RYR2: variants seen among roughly 807,000 people sequenced by gnomAD.
RYR2 encodes ryanodine receptor 2.
In RYR2, 227 loss-of-function variants were observed where a neutral mutation model predicts 601.1. That is an observed-to-expected ratio of 0.38 (90% CI 0.34 to 0.42). RYR2 has a LOEUF of 0.42. RYR2 is among the 10% of genes least tolerant of loss of function. The pLI is 1.00. For synonymous variants in RYR2, 2,223 were observed against 2,175.1 expected (o/e 1.02, Z -0.61); for missense variants, 4,646 against 6,156.5 (o/e 0.75, Z 8.21).
intron 8 of RYR2, among the ~76,000 whole-genome samples, chr1:237,382,914 G>GTTTTT (rs10676878): frequency 1.4e-5 from 2 of 139,132 alleles, no homozygotes; most frequent in African/African-American, 5.2e-5. Flanking sequence ...ATTTGTTTTT[G>GTTTTT]TTTTTTTTTT....
At chr1:237,821,117 C>A (rs974059722) in intron 101 of RYR2, among the ~76,000 whole-genome samples, 1 of 152,196 alleles carries the variant, frequency 6.6e-6, no homozygotes, top group Non-Finnish European at 1.5e-5. Context: ...ACTTAAACGT[C>A]CCTGCCTGAC....
intron 8 of RYR2, among the ~76,000 whole-genome samples, chr1:237,383,798 A>C (rs999981365): frequency 2.0e-5 from 3 of 152,062 alleles, no homozygotes; most frequent in African/African-American, 7.2e-5. Context: ...GAAAATCACT[A>C]GTCCTGGGAT....
chr1:237,631,611 AGATTTTTTTTT>A, intron 42 of RYR2, 70 bp downstream of exon 42: 3 of 292,566 alleles, frequency 1.0e-5, no homozygotes, highest in Non-Finnish European at 1.1e-5. Flanking sequence ...TATAGAATGC[AGATTTTTTTTT>A]TTTTTTTTTT....
intron 101 of RYR2, among the ~76,000 whole-genome samples, chr1:237,826,035 G>A (rs896774324): frequency 5.3e-5 from 8 of 152,160 alleles, no homozygotes; most frequent in African/African-American, 1.9e-4. Flanking sequence ...GAGAGGATAT[G>A]GAGAAATAGG....
At chr1:237,102,426 T>C (rs1030518334) in intron 1 of RYR2, among the ~76,000 whole-genome samples, 1 of 152,130 alleles carries the variant, frequency 6.6e-6, no homozygotes, top group African/African-American at 2.4e-5. Context: ...TAAATACAGA[T>C]ACATCCATGA....
chr1:237,633,133 T>C (rs1018821941), intron 42 of RYR2, among the ~76,000 whole-genome samples: 3 of 152,260 alleles, frequency 2.0e-5, no homozygotes, highest in African/African-American at 7.2e-5. Flanking sequence ...CATCCTATTA[T>C]ATGTGCCACG....
At chr1:237,628,114 G>C (rs199569024) in intron 41 of RYR2, 34 bp downstream of exon 41, 1,519 of 1,601,434 alleles carry the variant, frequency 9.5e-4, no homozygotes, top group Non-Finnish European at 1.2e-3. Flanking sequence ...CCTTTGTCTC[G>C]TAAATGTTTT....
intron 1 of RYR2, among the ~76,000 whole-genome samples, chr1:237,248,695 T>C (rs1482924012): frequency 6.6e-6 from 1 of 152,140 alleles, no homozygotes; most frequent in African/African-American, 2.4e-5. Context: ...TGAGAGGTTT[T>C]TTAAAGATCT....
intron 1 of RYR2, among the ~76,000 whole-genome samples, chr1:237,186,895 T>C (rs1346479192): frequency 6.6e-6 from 1 of 152,222 alleles, no homozygotes; most frequent in Non-Finnish European, 1.5e-5. Flanking sequence ...CAGCCCGCAT[T>C]GAGCAGCCTC....
intron 2 of RYR2, among the ~76,000 whole-genome samples, chr1:237,286,696 C>A (rs1439286628): frequency 6.6e-6 from 1 of 151,030 alleles, no homozygotes; most frequent in Middle Eastern, 3.2e-3. Flanking sequence ...TATGTGAGTC[C>A]TTATGTATTG....
intron 23 of RYR2, 85 bp from the exon 24 acceptor site, chr1:237,511,603 C>A: frequency 1.9e-6 from 2 of 1,073,326 alleles, no homozygotes; most frequent in Non-Finnish European, 2.8e-6. Context: ...TGCCTTCTGC[C>A]TCCACTTTCT....
chr1:237,784,350 A>G lies in RYR2; in HGVS notation c.12638A>G (p.Glu4213Gly), dbSNP rs1178157004. ...CAGATCTCGGAGTCGGACTTGAACG[A>G]GAGGTCAGCGAATAAGGAAGAAAGC... is the stretch of plus-strand genomic sequence containing the variant. ...AAQISESDLN[E>G]RSANKEESEK... Residue 4213 changes from glutamate (E) to glycine (G), a missense_variant, in exon 90 of 105, where the codon GAG (glutamate) becomes GGG (glycine). Physicochemically the swap from Glu to Gly is moderately conservative, Grantham distance 98. Around this residue, in one of 17 missense-constraint regions of RYR2, gnomAD observed 364 missense variants for 442.9 expected, o/e 0.82. Coordinates refer to ENST00000366574, the MANE Select transcript of RYR2 (RefSeq NM_001035.3). This position sits in a 1 kb window ranked among gnomAD's most constrained non-coding sequence, Gnocchi z 7.1. 14 of 1,613,806 alleles carry G rather than the reference A, an allele frequency of 8.7e-6. No homozygotes were observed. Among genetic ancestry groups the G allele is most frequent in the African/African-American group, 2.7e-5 (2 of 74,904 alleles).
intron 1 of RYR2, among the ~76,000 whole-genome samples, chr1:237,080,154 T>C: frequency 4.4e-5 from 1 of 22,504 alleles, no homozygotes; most frequent in Non-Finnish European, 8.6e-5. Flanking sequence ...ATTTAAACGT[T>C]AAACCTAAAA....
rs150271011 is a variant in RYR2 at position 237,728,869 on chromosome 1, G to A, written c.10839-1391G>A. On this transcript the variant is annotated intron_variant, in intron 76 of 104. Coordinates refer to ENST00000366574, the MANE Select transcript of RYR2 (RefSeq NM_001035.3). ...AAACCTAGAAGATGGGTTGATAGGT[G>A]CAGCAAACCACCATGGCACATGTAT... Among the ~76,000 whole-genome samples, 1,043 of 152,080 alleles carry A rather than the reference G, an allele frequency of 6.9e-3. 14 individuals are homozygous for A. Among genetic ancestry groups the A allele is most frequent in the African/African-American group, 0.024 (988 of 41,488 alleles).
chr1:237,662,311 A>G (rs1683877723), intron 56 of RYR2, among the ~76,000 whole-genome samples: 1 of 151,996 alleles, frequency 6.6e-6, no homozygotes, highest in South Asian at 2.1e-4. Context: ...TGTTTCAACA[A>G]ATGCTGAGCA....
chr1:237,442,147 A>G (rs1015574704), intron 13 of RYR2, among the ~76,000 whole-genome samples: 7 of 152,228 alleles, frequency 4.6e-5, no homozygotes, highest in Non-Finnish European at 5.9e-5. Context: ...GCTTTGCAGA[A>G]TTATGAGCCA....
Position 237,627,970 on chromosome 1 carries a change from T to C in RYR2, c.6330T>C (p.Gly2110=). 6.2e-7 allele frequency: 1 copy of C among 1,613,930 alleles called. No homozygotes were observed. The highest frequency in any genetic ancestry group is 8.5e-7 in the Non-Finnish European group (1 of 1,179,868). ...RALPKTYTIN[G]VSVEDTINLL... ...TGCCAAAGACCTACACGATAAATGG[T>C]GTGTCCGTGGAGGACACCATCAACC... Residue 2110 remains glycine (G), a synonymous_variant, in exon 41 of 105, where the codon GGT becomes GGC. Transcript: ENST00000366574.
chr1:237,442,626 T>C (rs1456916027), intron 13 of RYR2, among the ~76,000 whole-genome samples: 1 of 152,200 alleles, frequency 6.6e-6, no homozygotes, highest in African/African-American at 2.4e-5. Flanking sequence ...CACTTATTTA[T>C]TTTTATGCCT....
At chr1:237,541,938 T>C (rs1669317783) in intron 25 of RYR2, among the ~76,000 whole-genome samples, 1 of 152,166 alleles carries the variant, frequency 6.6e-6, no homozygotes, top group African/African-American at 2.4e-5. Flanking sequence ...ACTTCTTTTG[T>C]GATTCTTCAG....
Sources: gnomAD v4.1 joint callset for allele counts (sites outside exome capture counted in the v4.1 genomes callset) on GRCh38, gnomAD v4.1.1 for gene constraint, gnomAD v4.1.1 regional missense constraint, Gnocchi (gnomAD v3.1) non-coding constraint, MANE v1.5 for transcripts, NCBI Gene and HGNC (gene_info 2026-07-23, HGNC 2026-07-21) for gene names.